The following PCDHGA3 variants were observed in gnomAD, a reference collection of about 807,000 sequenced individuals.
The protein encoded by PCDHGA3 is protocadherin gamma subfamily A, 3, also known as protocadherin gamma-A3.
Under a neutral mutation model 58.5 loss-of-function variants are expected in PCDHGA3, and 40 were observed. The ratio of observed to expected loss-of-function variants is 0.68; its 90% CI spans 0.53 to 0.89. The LOEUF (loss-of-function observed/expected upper bound fraction) is 0.89, where lower values mean the gene tolerates loss of function less well. Among genes scored for constraint, PCDHGA3 ranks in the 40% least tolerant of loss-of-function variants. PCDHGA3 has a pLI of 0.00. For missense variants in PCDHGA3, 1,223 were observed against 1,195.9 expected (o/e 1.02, Z -0.33); for synonymous variants, 530 against 525.7 (o/e 1.01, Z -0.11).
chr5:141,365,834 T>C (rs980364147), intron 1 of PCDHGA3: 8 of 1,613,928 alleles, frequency 5.0e-6, no homozygotes, highest in South Asian at 1.1e-5. Flanking sequence ...GGCGCCCTTG[T>C]CCTCCTATGT....
chr5:141,452,791 C>T (rs1202677389), intron 1 of PCDHGA3, among the ~76,000 whole-genome samples: 2 of 152,156 alleles, frequency 1.3e-5, no homozygotes, highest in Non-Finnish European at 2.9e-5. Context: ...AACATACCAT[C>T]ATTTTTGCTG....
chr5:141,403,302 A>G (rs1195717654), intron 1 of PCDHGA3: 1 of 1,613,904 alleles, frequency 6.2e-7, no homozygotes, highest in East Asian at 2.2e-5. Flanking sequence ...GTGAAACTGT[A>G]CGGAATAGAA....
intron 3 of PCDHGA3, among the ~76,000 whole-genome samples, chr5:141,510,511 T>C (rs2099881465): frequency 6.6e-6 from 1 of 152,142 alleles, no homozygotes; most frequent in Non-Finnish European, 1.5e-5. Context: ...TGAGAGCCCG[T>C]GTCACAGCCC....
intron 1 of PCDHGA3, chr5:141,419,779 G>A (rs1439735185): frequency 1.2e-6 from 2 of 1,614,064 alleles, no homozygotes; most frequent in Non-Finnish European, 8.5e-7. Flanking sequence ...CGGTCCGCCA[G>A]CGCCTGCTAG....
At chr5:141,497,677 C>T in intron 2 of PCDHGA3, among the ~76,000 whole-genome samples, 1 of 151,836 alleles carries the variant, frequency 6.6e-6, no homozygotes, top group East Asian at 1.9e-4. Context: ...GTAGCTGGGA[C>T]AGCAGGTGTG....
At position 141,505,394 on chromosome 5, in the gene PCDHGA3, T is replaced by C; in HGVS notation, c.2485T>C (p.Ser829Pro). 6.2e-7 allele frequency: 1 copy of C among 1,614,110 alleles called. No homozygotes were observed. The highest frequency in any genetic ancestry group is 8.5e-7 in the Non-Finnish European group (1 of 1,180,002). The part of the protein sequence containing the change: ...SQAQRPGTSG[S>P]QNGDDTGTWP... ...CTCACCATCCTACTCTCTCCCCAGC[T>C]CCCAAAATGGCGATGACACCGGCAC... Residue 829 changes from serine (S) to proline (P), a missense_variant and splice_region_variant, in exon 3 of 4, where the codon TCC becomes CCC. By Grantham distance (74) the Ser-to-Pro change is moderately conservative. Coordinates refer to ENST00000253812, the MANE Select transcript of PCDHGA3 (RefSeq NM_018916.4).
intron 1 of PCDHGA3, chr5:141,413,798 AAG>A (rs914638812): frequency 2.7e-5 from 44 of 1,613,066 alleles, no homozygotes; most frequent in Non-Finnish European, 3.5e-5. Context: ...GATCGCGAGG[AAG>A]AGGCCATTCA....
At position 141,366,659 on chromosome 5, in the gene PCDHGA3, G is replaced by A. The variant is rs757940050; in HGVS notation, c.2424+20202G>A. The A allele has an allele frequency of 1.1e-5, 17 of 1,614,250 alleles. No homozygotes were observed. The Admixed American group carries it at 1.5e-4, about 14-fold the overall frequency. On this transcript the variant is annotated intron_variant, in intron 1 of 3. Coordinates refer to ENST00000253812, the MANE Select transcript of PCDHGA3 (RefSeq NM_018916.4). The stretch of plus-strand genomic sequence containing the variant: ...GATCTTTCCCCAGCCCAACTACGCA[G>A]ACACGCTCCTTAGTGAAGAGAGCTG...
At chr5:141,503,178 T>C (rs988629461) in intron 2 of PCDHGA3, among the ~76,000 whole-genome samples, 56 of 151,998 alleles carry the variant, frequency 3.7e-4, no homozygotes, top group African/African-American at 1.3e-3. Flanking sequence ...TACTCTATTG[T>C]GTAATTATTT....
Position 141,485,465 on chromosome 5 carries a change from C to A in PCDHGA3, c.2425-9342C>A, listed in dbSNP as rs2099614061. 6.2e-7 allele frequency: 1 copy of A among 1,614,044 alleles called. No homozygotes were observed. Among genetic ancestry groups the A allele is most frequent in the African/African-American group, 1.3e-5 (1 of 74,918 alleles). ...AATCGACCGAGAGGCACTGTGTGGG[C>A]TCAGTGCCAGCTGCATCGTGCCCCT... On this transcript the variant is annotated intron_variant, in intron 1 of 3. Transcript: ENST00000253812. This position sits in a 1 kb window ranked among gnomAD's most constrained non-coding sequence, Gnocchi z 5.7.
At chr5:141,389,578 TG>T (rs1314978831) in intron 1 of PCDHGA3, 1 of 1,613,236 alleles carries the variant, frequency 6.2e-7, no homozygotes, top group South Asian at 1.1e-5. Context: ...TACCCCGCGC[TG>T]GGTCCCGACG....
chr5:141,361,845 T>C, intron 1 of PCDHGA3: 2 of 1,612,744 alleles, frequency 1.2e-6, no homozygotes, highest in Non-Finnish European at 1.7e-6. Flanking sequence ...TGGGGCCTGA[T>C]GGCTCCGCCC....
At chr5:141,505,347 T>C in intron 2 of PCDHGA3, 46 bp from the exon 3 acceptor site, 4 of 1,613,346 alleles carry the variant, frequency 2.5e-6, no homozygotes, top group Non-Finnish European at 2.5e-6. Context: ...GGGCATGAGC[T>C]GTGCCGGCCT....
chr5:141,422,691 C>A, intron 1 of PCDHGA3: 1 of 1,603,878 alleles, frequency 6.2e-7, no homozygotes, highest in Non-Finnish European at 8.5e-7. Flanking sequence ...ATGCCCTGGT[C>A]ACTTACTCTC....
chr5:141,481,151 G>A (rs1326614212), intron 1 of PCDHGA3, among the ~76,000 whole-genome samples: 1 of 152,198 alleles, frequency 6.6e-6, no homozygotes, highest in African/African-American at 2.4e-5. Context: ...TGTTATTCTG[G>A]TATTTGCAGA....
rs781173070 is a variant in PCDHGA3, at chr5:141,374,478, G to T, written c.2424+28021G>T. 3.1e-6 allele frequency: 5 copies of T among 1,611,820 alleles called. No homozygotes were observed. In the Admixed American group the frequency reaches 5.0e-5, roughly 16 times the overall value. The stretch of plus-strand genomic sequence containing the variant: ...GTGGACATTAATGACAATACACCCC[G>T]ATTCTTAAAGGAAGAATTGGAAGTG... On this transcript the variant is annotated intron_variant, in intron 1 of 3. Coordinates refer to ENST00000253812, the MANE Select transcript of PCDHGA3 (RefSeq NM_018916.4).
At chr5:141,383,596 G>T in intron 1 of PCDHGA3, 1 of 1,613,702 alleles carries the variant, frequency 6.2e-7, no homozygotes, top group Non-Finnish European at 8.5e-7. Context: ...GGTGACAGTG[G>T]TGGATGTGAA....
At chr5:141,376,037 C>T (rs1436738898) in intron 1 of PCDHGA3, 1 of 1,613,104 alleles carries the variant, frequency 6.2e-7, no homozygotes, top group African/African-American at 1.3e-5. Flanking sequence ...CCACGGCCAG[C>T]CCCCTCTCTC....
rs1594951324 is a variant in PCDHGA3, at chr5:141,490,871, T to G, written c.2425-3936T>G. 6.2e-7 allele frequency: 1 copy of G among 1,613,918 alleles called. No individual in the cohort carries two copies. The highest frequency in any genetic ancestry group is 8.5e-7 in the Non-Finnish European group (1 of 1,179,944). On this transcript the variant is annotated intron_variant, in intron 1 of 3. Coordinates refer to ENST00000253812, the MANE Select transcript of PCDHGA3 (RefSeq NM_018916.4). This position sits in a 1 kb window ranked among gnomAD's most constrained non-coding sequence, Gnocchi z 5.4. ...GTTCGAGACTCCGGCTCTCCCCCAT[T>G]GCATGCCAACACATCTCTGCATGTG...
Sources: gnomAD v4.1 joint callset for allele counts (sites outside exome capture counted in the v4.1 genomes callset) on GRCh38, gnomAD v4.1.1 for gene constraint, Gnocchi (gnomAD v3.1) non-coding constraint, MANE v1.5 for transcripts, NCBI Gene and HGNC (gene_info 2026-07-23, HGNC 2026-07-21) for gene names.